TSPAN32: variants seen among roughly 807,000 people sequenced by gnomAD.
TSPAN32 encodes the protein tetraspanin-32.
TSPAN32 carries 47 observed loss-of-function variants against 42.7 expected under a neutral mutation model. That is an observed-to-expected ratio of 1.10 (90% CI 0.87 to 1.40). The LOEUF is 1.40. Ranked by LOEUF, TSPAN32 falls within the 40% of genes most tolerant of loss-of-function variation. The pLI is 0.00. For missense variants in TSPAN32, 469 were observed against 424.1 expected (o/e 1.11, Z -0.93); for synonymous variants, 175 against 175.9 (o/e 0.99, Z 0.04).
intron 1 of TSPAN32, among the ~76,000 whole-genome samples, chr11:2,302,532 C>G (rs540966768): frequency 3.3e-5 from 5 of 152,280 alleles, no homozygotes; most frequent in African/African-American, 9.6e-5. Flanking sequence ...CTTCCTGCCC[C>G]GGAGGGTGCT....
At chr11:2,311,845 T>C (rs957799189) in intron 4 of TSPAN32, among the ~76,000 whole-genome samples, 1 of 152,174 alleles carries the variant, frequency 6.6e-6, no homozygotes, top group Admixed American at 6.5e-5. Context: ...CCCCAGAGCC[T>C]GGAATGGAGA....
chr11:2,314,912 T>C (rs916738645), intron 6 of TSPAN32: 15 of 361,404 alleles, frequency 4.2e-5, no homozygotes, highest in Non-Finnish European at 6.8e-5. Context: ...CCTCTTGGAG[T>C]GCACCCATGA....
Position 2,317,848 on chromosome 11 carries a change from T to C in TSPAN32, c.902-15T>C. ...ATGTAAGGACTGCAAGCAGTGCCCATTTATGATCTCGCAGCTCTCCAGGGC... is the reference window on the plus strand; with the variant it reads ...ATGTAAGGACTGCAAGCAGTGCCCACTTATGATCTCGCAGCTCTCCAGGGC... On this transcript the variant is annotated splice_polypyrimidine_tract_variant and intron_variant, in intron 9 of 9. Transcript: ENST00000182290. This position sits in a 1 kb window ranked among gnomAD's most constrained non-coding sequence, Gnocchi z 6.2. 6.3e-7 allele frequency: 1 copy of C among 1,589,604 alleles called. No individual in the cohort carries two copies.
At chr11:2,302,717 C>T (rs1263275914) in intron 1 of TSPAN32, 127 bp from the exon 2 acceptor site, 3 of 742,150 alleles carry the variant, frequency 4.0e-6, no homozygotes, top group Middle Eastern at 2.9e-4. Flanking sequence ...CCGGGAATCC[C>T]TGCAGCTGAG....
intron 4 of TSPAN32, among the ~76,000 whole-genome samples, chr11:2,311,752 C>T (rs565911373): frequency 1.4e-4 from 21 of 152,174 alleles, no homozygotes; most frequent in South Asian, 4.1e-4. Context: ...CACCGGAAGA[C>T]GGAGCTTAGT....
Position 2,317,881 on chromosome 11 carries a change from G to A in TSPAN32, c.920G>A (p.Arg307His), listed in dbSNP as rs140477675. The change falls in exon 10 of 10, where the codon CGC becomes CAC. Residue 307 changes from arginine to histidine, a missense_variant. Physicochemically the swap from Arg to His is conservative, Grantham distance 29. Transcript: ENST00000182290. The surrounding 1 kb of genome is among the most constrained non-coding windows in gnomAD (Gnocchi z 6.2). ...AAHRALQGRS[R>H]GGLSGCPERG... ...CTCGCAGCTCTCCAGGGCAGAAGTC[G>A]CGGTGGGCTCAGTGGGTGCCCTGAG... 2.2e-4 allele frequency: 332 copies of A among 1,496,466 alleles called. 1 individual carries two copies. The highest frequency in any genetic ancestry group is 3.6e-4 in the African/African-American group (26 of 72,670). 92.7% of individuals were successfully genotyped at this position (1,496,466 alleles called of 1,614,324 possible). A position where few individuals can be genotyped will look rare whatever the true frequency, so the allele number is the denominator to read the frequency against.
At chr11:2,314,035 C>T (rs1398264993) in intron 5 of TSPAN32, among the ~76,000 whole-genome samples, 1 of 151,916 alleles carries the variant, frequency 6.6e-6, no homozygotes, top group South Asian at 2.1e-4. Flanking sequence ...AAAGCAAATA[C>T]GGGGCCGAAC....
chr11:2,302,737 C>T (rs535373219), intron 1 of TSPAN32, 107 bp from the exon 2 acceptor site: 20 of 878,412 alleles, frequency 2.3e-5, no homozygotes, highest in African/African-American at 3.3e-5. Flanking sequence ...GCCTGTCTCT[C>T]ACGGGACCGG....
intron 4 of TSPAN32, among the ~76,000 whole-genome samples, chr11:2,312,261 C>CG (rs1027504362): frequency 6.6e-6 from 1 of 152,210 alleles, no homozygotes; most frequent in Non-Finnish European, 1.5e-5. Context: ...AGCCAACCCC[C>CG]GGGCCCACTC....
chr11:2,315,511 C>G (rs964235488), intron 6 of TSPAN32: 6 of 1,157,096 alleles, frequency 5.2e-6, no homozygotes, highest in Non-Finnish European at 5.4e-6. Flanking sequence ...GCCATGGGCC[C>G]GACTGCAAAG....
chr11:2,317,370 C>T lies in TSPAN32; in HGVS notation c.746C>T (p.Pro249Leu), dbSNP rs1353680991. The change falls in exon 9 of 10, where the codon CCC becomes CTC. Residue 249 changes from proline to leucine, a missense_variant. Coordinates refer to ENST00000182290, the MANE Select transcript of TSPAN32 (RefSeq NM_139022.3). This position sits in a 1 kb window ranked among gnomAD's most constrained non-coding sequence, Gnocchi z 6.2. ...PRACGRQPQE[P>L]SLLRCSQGGP... ...GCATGTGGCCGCCAGCCCCAGGAGCCCAGCCTCTTGAGATGCTCCCAGGGT... is the reference window on the plus strand; with the variant it reads ...GCATGTGGCCGCCAGCCCCAGGAGCTCAGCCTCTTGAGATGCTCCCAGGGT... 1.3e-6 allele frequency: 2 copies of T among 1,596,386 alleles called. No individual in the cohort carries two copies. Among genetic ancestry groups the T allele is most frequent in the African/African-American group, 1.3e-5 (1 of 74,500 alleles).
chr11:2,310,137 T>A (rs1187166283), intron 4 of TSPAN32: 1 of 152,236 alleles, frequency 6.6e-6, no homozygotes. Flanking sequence ...CTGGCTCATT[T>A]GAGGTCTGGG....
intron 6 of TSPAN32, chr11:2,315,849 A>G (rs758530918): frequency 2.2e-6 from 3 of 1,376,028 alleles, no homozygotes; most frequent in Admixed American, 2.2e-5. Context: ...CCTGTTAGCC[A>G]TCACCCTCTG....
intron 6 of TSPAN32, chr11:2,315,825 G>A: frequency 7.4e-7 from 1 of 1,345,596 alleles, no homozygotes; most frequent in Non-Finnish European, 9.8e-7. Flanking sequence ...TCCACCAGCT[G>A]GCTTCCTGCC....
intron 3 of TSPAN32, among the ~76,000 whole-genome samples, chr11:2,307,653 T>C (rs1848198479): frequency 6.6e-6 from 1 of 152,188 alleles, no homozygotes; most frequent in South Asian, 2.1e-4. Flanking sequence ...CTCGTGTTCC[T>C]TAGCTTCCGC....
chr11:2,313,785 C>T lies in TSPAN32; in HGVS notation c.456+30C>T, dbSNP rs2234304. ...GCGTGGGGACGGCTGGGTGGCAGGG[C>T]GGTCAGCTTCTGCTTGGACTGCAGT... is the stretch of plus-strand genomic sequence containing the variant. On this transcript the variant is annotated intron_variant, in intron 5 of 9. Coordinates refer to ENST00000182290, the MANE Select transcript of TSPAN32 (RefSeq NM_139022.3). This position sits in a 1 kb window ranked among gnomAD's most constrained non-coding sequence, Gnocchi z 9.1. The T allele has an allele frequency of 4.7e-3, 7,193 of 1,530,002 alleles. 239 individuals are homozygous for T. In the African/African-American group the frequency reaches 0.079, roughly 17 times the overall value. The allele number at this position is 1,530,002 out of a possible 1,614,324, so 94.8% of individuals were successfully genotyped here.
In TSPAN32 at chr11:2,313,449, C is replaced by T. The variant is rs912186033; in HGVS notation, c.355-205C>T. The stretch of plus-strand genomic sequence containing the variant: ...ACTCTGACGGCCATTGTGTGAAGGC[C>T]CCATCGTTGATGTTGGGAAGCACTG... On this transcript the variant is annotated intron_variant, in intron 4 of 9. Coordinates refer to ENST00000182290, the MANE Select transcript of TSPAN32 (RefSeq NM_139022.3). The surrounding 1 kb of genome is among the most constrained non-coding windows in gnomAD (Gnocchi z 9.1). 6.6e-6 allele frequency among the ~76,000 whole-genome samples: 1 copy of T among 152,220 alleles called. No individual in the cohort carries two copies. Among genetic ancestry groups the T allele is most frequent in the Non-Finnish European group, 1.5e-5 (1 of 68,044 alleles).
At position 2,313,524 on chromosome 11, in the gene TSPAN32, TACAAGGAGGGCAG is replaced by T; in HGVS notation, c.355-129_355-117del. ...TTCCGCTTTGGGGAGATCCACCTGC[TACAAGGAGGGCAG>T]TGCTGGGACGTCACTCAGCACTAAG... is the stretch of plus-strand genomic sequence containing the variant. On this transcript the variant is annotated intron_variant, in intron 4 of 9. Transcript: ENST00000182290. The surrounding 1 kb of genome is among the most constrained non-coding windows in gnomAD (Gnocchi z 9.1). 1.5e-6 allele frequency: 1 copy of T among 683,450 alleles called. No homozygotes were observed. The highest frequency in any genetic ancestry group is 2.5e-6 in the Non-Finnish European group (1 of 408,068). 42.3% of individuals were successfully genotyped at this position (683,450 alleles called of 1,614,324 possible).
At position 2,308,933 on chromosome 11, in the gene TSPAN32, G is replaced by C. The variant is rs1480342255; in HGVS notation, c.354+123G>C. 3 of 693,538 alleles carry C rather than the reference G, an allele frequency of 4.3e-6. No homozygotes were observed. The African/African-American group carries it at 5.4e-5, about 13-fold the overall frequency. 43.0% of individuals were successfully genotyped at this position (693,538 alleles called of 1,614,324 possible). A position where few individuals can be genotyped will look rare whatever the true frequency, so the allele number is the denominator to read the frequency against. On this transcript the variant is annotated intron_variant, in intron 4 of 9. Coordinates refer to ENST00000182290, the MANE Select transcript of TSPAN32 (RefSeq NM_139022.3). The stretch of plus-strand genomic sequence containing the variant: ...CTTCCAGGCTTGTGCTGACCGGGTG[G>C]GGTGGGGGAGACCGCAGCCTGGGTT...
Sources: gnomAD v4.1 joint callset for allele counts (sites outside exome capture counted in the v4.1 genomes callset) on GRCh38, gnomAD v4.1.1 for gene constraint, Gnocchi (gnomAD v3.1) non-coding constraint, MANE v1.5 for transcripts, NCBI Gene and HGNC (gene_info 2026-07-23, HGNC 2026-07-21) for gene names.